Variants in STX18 observed in about 807,000 individuals in gnomAD.
STX18 encodes the protein syntaxin 18.
STX18 carries 40 observed loss-of-function variants against 50.1 expected under a neutral mutation model. That is an observed-to-expected ratio of 0.80 (90% CI 0.62 to 1.04). The LOEUF (loss-of-function observed/expected upper bound fraction) is 1.04, where lower values mean the gene tolerates loss of function less well. STX18 is among the 50% of genes least tolerant of loss of function. The pLI, the probability that STX18 is intolerant of heterozygous loss-of-function variation, is 0.00. For synonymous variants in STX18, 158 were observed against 151.8 expected, an observed-to-expected ratio of 1.04 and a Z score of -0.30; for missense variants, 410 against 415.8, an observed-to-expected ratio of 0.99 and a Z score of 0.12.
At position 4,438,439 on chromosome 4, in the gene STX18, G is replaced by A. The variant is rs1725908161; in HGVS notation, c.568C>T (p.Pro190Ser). ...STSSEKVSQS[P>S]SKDSEENPAT... Reference sequence around the variant, plus strand: ...GGGTTTTCTTCAGAGTCTTTTGAAGGACTCTGTGAAACTTTCTCAGAAGAT... The same window carrying A: ...GGGTTTTCTTCAGAGTCTTTTGAAGAACTCTGTGAAACTTTCTCAGAAGAT... Residue 190 changes from proline to serine, a missense_variant, in exon 6 of 11, where the codon CCT (proline) becomes TCT (serine). Coordinates refer to ENST00000306200, the MANE Select transcript of STX18 (RefSeq NM_016930.4). 3 of 1,613,754 alleles carry A rather than the reference G, an allele frequency of 1.9e-6. No individual in the cohort carries two copies. Among genetic ancestry groups the A allele is most frequent in the African/African-American group, 2.7e-5 (2 of 74,900 alleles).
chr4:4,495,563 C>CTTT (rs35298335), intron 1 of STX18, among the ~76,000 whole-genome samples: 268 of 129,990 alleles, frequency 2.1e-3, no homozygotes, highest in African/African-American at 7.2e-3. Context: ...TTTTTCTTTT[C>CTTT]TTTTTTTTTT....
At chr4:4,449,441 T>G (rs1028017712) in intron 5 of STX18, among the ~76,000 whole-genome samples, 1 of 152,204 alleles carries the variant, frequency 6.6e-6, no homozygotes, top group Non-Finnish European at 1.5e-5. Context: ...GTACTTCTCT[T>G]CAGTCTCCTT....
chr4:4,478,405 C>T (rs748715377), intron 1 of STX18, among the ~76,000 whole-genome samples: 3 of 152,154 alleles, frequency 2.0e-5, no homozygotes, highest in South Asian at 2.1e-4. Flanking sequence ...GGCAGTACAA[C>T]GGTGACCAGT....
intron 7 of STX18, chr4:4,426,029 CAG>C (rs1560156903): frequency 1.3e-5 from 2 of 152,236 alleles, no homozygotes; most frequent in Admixed American, 6.5e-5. Context: ...TGCAGGGAGT[CAG>C]GGGCGTCCTG....
intron 1 of STX18, among the ~76,000 whole-genome samples, chr4:4,493,955 C>G (rs888492362): frequency 3.9e-5 from 6 of 152,286 alleles, no homozygotes; most frequent in African/African-American, 1.4e-4. Context: ...GTCTTTAACT[C>G]TTTTCCCTCT....
chr4:4,420,073 G>A lies in STX18; in HGVS notation c.969C>T (p.Cys323=). 1 of 1,613,452 alleles carries A rather than the reference G, an allele frequency of 6.2e-7. No individual in the cohort carries two copies. The highest frequency in any genetic ancestry group is 8.5e-7 in the Non-Finnish European group (1 of 1,179,728). The part of the protein sequence containing the change: ...RVWILFFLVM[C]SFSLLFLDWY... ...AGTCGAGGAAGAGCAAGGAGAAGGA[G>A]CACATCACGAGGAAGAAGAGGATCC... Residue 323 remains cysteine, a synonymous_variant, in exon 11 of 11, where the codon TGC becomes TGT. Coordinates refer to ENST00000306200, the MANE Select transcript of STX18 (RefSeq NM_016930.4). This position sits in a 1 kb window ranked among gnomAD's most constrained non-coding sequence, Gnocchi z 4.3.
chr4:4,499,098 T>C lies in STX18; in HGVS notation c.169-27392A>G, dbSNP rs1729320980. Among the ~76,000 whole-genome samples, 3 of 152,304 alleles carry C rather than the reference T, an allele frequency of 2.0e-5. No homozygotes were observed. In the South Asian group the frequency reaches 6.2e-4, roughly 32 times the overall value. On this transcript the variant is annotated intron_variant, in intron 1 of 10. Coordinates refer to ENST00000306200, the MANE Select transcript of STX18 (RefSeq NM_016930.4). ...CATGAATTTACATAAGACAAACATT[T>C]CAAAAATTTATCCTAGTGCCTAACA...
At chr4:4,428,090 T>A (rs1052959265) in intron 7 of STX18, among the ~76,000 whole-genome samples, 1 of 152,382 alleles carries the variant, frequency 6.6e-6, no homozygotes, top group South Asian at 2.1e-4. Context: ...CACTGACTTG[T>A]ACCAGGTTTC....
chr4:4,433,132 C>A (rs1300888026), intron 7 of STX18, among the ~76,000 whole-genome samples: 1 of 152,110 alleles, frequency 6.6e-6, no homozygotes, highest in Non-Finnish European at 1.5e-5. Flanking sequence ...AGTTTTTGTG[C>A]GTCATTTTCT....
chr4:4,510,770 T>C (rs1044051381), intron 1 of STX18, among the ~76,000 whole-genome samples: 1 of 152,162 alleles, frequency 6.6e-6, no homozygotes, highest in African/African-American at 2.4e-5. Context: ...CCATCAATGA[T>C]AGACTGGATA....
At chr4:4,510,464 A>G (rs1577388726) in intron 1 of STX18, among the ~76,000 whole-genome samples, 1 of 152,232 alleles carries the variant, frequency 6.6e-6, no homozygotes, top group East Asian at 1.9e-4. Flanking sequence ...CTGTCCATCA[A>G]GAAATCCATG....
chr4:4,541,765 T>C (rs1577418850), intron 1 of STX18, 32 bp downstream of exon 1: 1 of 1,586,238 alleles, frequency 6.3e-7, no homozygotes, highest in South Asian at 1.2e-5. Flanking sequence ...TGCCCCCTCC[T>C]CAACCCGCCG....
intron 1 of STX18, among the ~76,000 whole-genome samples, chr4:4,524,573 GTGC>G (rs1198302530): frequency 6.6e-6 from 1 of 152,258 alleles, no homozygotes; most frequent in African/African-American, 2.4e-5. Flanking sequence ...AGGCCTGCAA[GTGC>G]TGCAGCTCAG....
intron 5 of STX18, among the ~76,000 whole-genome samples, chr4:4,452,100 TC>T: frequency 6.6e-6 from 1 of 152,304 alleles, no homozygotes. Flanking sequence ...ATCAAATCAG[TC>T]ACAACATTCC....
chr4:4,433,616 G>C (rs1432267162), intron 7 of STX18, among the ~76,000 whole-genome samples: 1 of 151,400 alleles, frequency 6.6e-6, no homozygotes, highest in Admixed American at 6.6e-5. Context: ...TGCTCTCACA[G>C]AGCTTGTGCT....
chr4:4,437,751 T>C (rs1004865058), intron 6 of STX18: 4 of 388,232 alleles, frequency 1.0e-5, no homozygotes, highest in Non-Finnish European at 1.4e-5. Context: ...CACTCTGCCT[T>C]TGAGATATGG....
chr4:4,438,546 C>A (rs759015163), intron 5 of STX18, 37 bp from the exon 6 acceptor site: 78 of 1,509,162 alleles, frequency 5.2e-5, no homozygotes, highest in Non-Finnish European at 7.0e-5. Flanking sequence ...TATTTTATTT[C>A]CATAACAGGA....
chr4:4,507,815 TAAAAAAAAAAA>T (rs879049430), intron 1 of STX18: 10 of 219,368 alleles, frequency 4.6e-5, no homozygotes, highest in South Asian at 7.2e-5. Flanking sequence ...ATATTCACAG[TAAAAAAAAAAA>T]AAAAAAAAAA....
intron 5 of STX18, among the ~76,000 whole-genome samples, chr4:4,453,267 T>C (rs576120460): frequency 6.6e-6 from 1 of 152,298 alleles, no homozygotes; most frequent in East Asian, 1.9e-4. Flanking sequence ...GAGAAACCTT[T>C]TGTGAAAGGA....
Sources: allele counts gnomAD v4.1 joint callset (sites outside exome capture counted in the v4.1 genomes callset), GRCh38; gene constraint gnomAD v4.1.1; non-coding constraint Gnocchi (gnomAD v3.1); transcripts MANE v1.5; gene names NCBI Gene and HGNC (gene_info 2026-07-23, HGNC 2026-07-21).